Variants in AGBL4 observed in about 807,000 individuals in gnomAD.
AGBL4 encodes the protein AGBL carboxypeptidase 4.
AGBL4 carries 58 observed loss-of-function variants against 66.4 expected under a neutral mutation model. That is an observed-to-expected ratio of 0.87 (90% CI 0.71 to 1.09). The LOEUF (loss-of-function observed/expected upper bound fraction) is 1.09. Ranked by LOEUF, AGBL4 falls within the 50% of genes least tolerant of loss-of-function variation. The probability of loss-of-function intolerance (pLI) is 0.00; values close to 1 mark genes in which losing one functional copy is unlikely to be tolerated. For missense variants in AGBL4, 579 were observed against 631.0 expected (o/e 0.92, Z 0.88); for synonymous variants, 234 against 222.9 (o/e 1.05, Z -0.44).
Position 49,662,214 on chromosome 1 carries a change from G to GTA in AGBL4, c.282+35097_282+35098dup, listed in dbSNP as rs780788585. Among the ~76,000 whole-genome samples, 45 of 150,290 alleles carry GTA rather than the reference G, an allele frequency of 3.0e-4. No homozygotes were observed. In the East Asian group the frequency reaches 3.1e-3, roughly 10 times the overall value. On this transcript the variant is annotated intron_variant, in intron 3 of 13. Transcript: ENST00000371839. ...ACAGTCTCACAGAATATATATATAT[G>GTA]TATATATATAACACATACATACATT...
intron 3 of AGBL4, among the ~76,000 whole-genome samples, chr1:49,330,687 G>A (rs1328288719): frequency 6.6e-6 from 1 of 152,120 alleles, no homozygotes; most frequent in Non-Finnish European, 1.5e-5. Context: ...TAGAACATGA[G>A]ACACTGCTGA....
At chr1:48,817,770 C>A (rs1343634645) in intron 6 of AGBL4, 4 of 391,380 alleles carry the variant, frequency 1.0e-5, no homozygotes, top group South Asian at 8.3e-5. Flanking sequence ...GGTGCTGCAG[C>A]TTTGGCCTCC....
chr1:49,194,582 A>C (rs543556877), intron 4 of AGBL4, among the ~76,000 whole-genome samples: 3 of 152,044 alleles, frequency 2.0e-5, no homozygotes, highest in African/African-American at 7.2e-5. Flanking sequence ...TATTTTGTAG[A>C]TTCTGTTTCT....
At chr1:48,653,075 AG>A (rs1645957758) in intron 8 of AGBL4, among the ~76,000 whole-genome samples, 2 of 152,178 alleles carry the variant, frequency 1.3e-5, no homozygotes, top group African/African-American at 4.8e-5. Context: ...CATGGAAAGT[AG>A]GTGCCAAAAC....
intron 2 of AGBL4, among the ~76,000 whole-genome samples, chr1:49,786,034 G>A (rs189538578): frequency 1.1e-4 from 17 of 151,784 alleles, no homozygotes; most frequent in African/African-American, 3.6e-4. Context: ...TACCTAAACC[G>A]TTATCCATCC....
At chr1:49,831,005 T>C (rs1230368610) in intron 2 of AGBL4, among the ~76,000 whole-genome samples, 3 of 152,152 alleles carry the variant, frequency 2.0e-5, no homozygotes. Context: ...GTTTCGGTTA[T>C]TGTAGCTTTG....
intron 3 of AGBL4, among the ~76,000 whole-genome samples, chr1:49,283,445 T>A (rs1644327037): frequency 6.6e-6 from 1 of 151,948 alleles, no homozygotes; most frequent in South Asian, 2.1e-4. Context: ...AAAACGAAAC[T>A]CTAAAACGCA....
chr1:49,594,219 C>A (rs1260018438), intron 3 of AGBL4, among the ~76,000 whole-genome samples: 1 of 152,136 alleles, frequency 6.6e-6, no homozygotes, highest in African/African-American at 2.4e-5. Context: ...GTACGAAAAA[C>A]TAATATCATT....
chr1:49,727,332 A>T (rs1420128911), intron 2 of AGBL4, among the ~76,000 whole-genome samples: 1 of 152,170 alleles, frequency 6.6e-6, no homozygotes, highest in Non-Finnish European at 1.5e-5. Context: ...TTTCCACAAG[A>T]CTGGGATATA....
intron 4 of AGBL4, among the ~76,000 whole-genome samples, chr1:49,094,303 G>C (rs141904016): frequency 1.3e-5 from 2 of 152,094 alleles, no homozygotes; most frequent in Admixed American, 1.3e-4. Context: ...AAGGCATTTT[G>C]CAGATGTGAT....
At chr1:49,890,120 C>T (rs567176446) in intron 1 of AGBL4, among the ~76,000 whole-genome samples, 1 of 152,152 alleles carries the variant, frequency 6.6e-6, no homozygotes, top group African/African-American at 2.4e-5. Flanking sequence ...GCATTTTATA[C>T]ATTATTTTGC....
At chr1:49,361,747 C>G (rs1452964728) in intron 3 of AGBL4, among the ~76,000 whole-genome samples, 1 of 152,030 alleles carries the variant, frequency 6.6e-6, no homozygotes, top group African/African-American at 2.4e-5. Flanking sequence ...TTTTCACTGT[C>G]TCCCTACACA....
At chr1:49,689,421 C>G (rs910418179) in intron 3 of AGBL4, among the ~76,000 whole-genome samples, 2 of 151,950 alleles carry the variant, frequency 1.3e-5, no homozygotes, top group African/African-American at 4.8e-5. Context: ...TATTCTGTTC[C>G]TTGGTCTATG....
intron 6 of AGBL4, among the ~76,000 whole-genome samples, chr1:48,743,245 T>G (rs1390330806): frequency 6.6e-6 from 1 of 152,180 alleles, no homozygotes; most frequent in African/African-American, 2.4e-5. Context: ...CCCCAAGACC[T>G]AGTATCTAGA....
At chr1:49,219,857 C>T (rs1649361156) in intron 4 of AGBL4, among the ~76,000 whole-genome samples, 1 of 152,146 alleles carries the variant, frequency 6.6e-6, no homozygotes, top group African/African-American at 2.4e-5. Flanking sequence ...AATCTAACAA[C>T]ACTCCCTCAC....
At chr1:48,650,825 C>T (rs1304869926) in intron 8 of AGBL4, among the ~76,000 whole-genome samples, 2 of 152,146 alleles carry the variant, frequency 1.3e-5, no homozygotes, top group African/African-American at 4.8e-5. Context: ...CTTAGATTCC[C>T]TATGTTTATA....
chr1:50,022,553 T>C (rs907264465), intron 1 of AGBL4, among the ~76,000 whole-genome samples: 2 of 151,966 alleles, frequency 1.3e-5, no homozygotes, highest in African/African-American at 4.8e-5. Context: ...CTCGAACTTA[T>C]TTCTGAGGGT....
At chr1:48,878,571 A>G (rs543102692) in intron 5 of AGBL4, among the ~76,000 whole-genome samples, 1 of 152,268 alleles carries the variant, frequency 6.6e-6, no homozygotes, top group South Asian at 2.1e-4. Flanking sequence ...TATATGACTC[A>G]GCACCTTGTA....
At chr1:49,678,802 A>T (rs1029255905) in intron 3 of AGBL4, among the ~76,000 whole-genome samples, 1 of 152,064 alleles carries the variant, frequency 6.6e-6, no homozygotes, top group Non-Finnish European at 1.5e-5. Context: ...AGTTCCATTC[A>T]CTGTGATCAA....
Sources: allele counts gnomAD v4.1 joint callset (sites outside exome capture counted in the v4.1 genomes callset), GRCh38; gene constraint gnomAD v4.1.1; transcripts MANE v1.5; gene names NCBI Gene and HGNC (gene_info 2026-07-23, HGNC 2026-07-21).